The following NDST4 variants were observed in gnomAD, a reference collection of about 807,000 sequenced individuals.
NDST4 encodes N-heparan sulfate sulfotransferase 4.
A neutral mutation model predicts 100.8 loss-of-function variants in NDST4; 63 were observed. The ratio of observed to expected loss-of-function variants is 0.62; its 90% confidence interval spans 0.51 to 0.77. The LOEUF is 0.77. NDST4 is among the 30% of genes least tolerant of loss of function. The pLI is 0.00. For missense variants in NDST4, 943 were observed against 1,018.4 expected, an observed-to-expected ratio of 0.93 and a Z score of 1.01; for synonymous variants, 377 against 361.8, an observed-to-expected ratio of 1.04 and a Z score of -0.48.
At chr4:114,886,584 G>A (rs1039788907) in intron 6 of NDST4, among the ~76,000 whole-genome samples, 1 of 152,012 alleles carries the variant, frequency 6.6e-6, no homozygotes, top group African/African-American at 2.4e-5. Context: ...GTGCCACCAA[G>A]TATTTTCTAA....
At chr4:114,896,188 C>T (rs1027289123) in intron 6 of NDST4, among the ~76,000 whole-genome samples, 11 of 152,124 alleles carry the variant, frequency 7.2e-5, no homozygotes, top group African/African-American at 2.7e-4. Context: ...ACATTGGACT[C>T]AATCTTTGAG....
intron 11 of NDST4, among the ~76,000 whole-genome samples, chr4:114,834,621 GC>G (rs1723273163): frequency 6.6e-6 from 1 of 151,924 alleles, no homozygotes. Context: ...TTAAAGTTAT[GC>G]TTTTTTTGTT....
chr4:114,911,826 G>A (rs1341721936), intron 6 of NDST4, among the ~76,000 whole-genome samples: 1 of 152,098 alleles, frequency 6.6e-6, no homozygotes, highest in Non-Finnish European at 1.5e-5. Flanking sequence ...ATTATATTAA[G>A]AATTGTTTTT....
chr4:114,970,360 A>T (rs1726482824), intron 4 of NDST4, 70 bp downstream of exon 4: 1 of 1,374,948 alleles, frequency 7.3e-7, no homozygotes. Flanking sequence ...AACCCAATAC[A>T]TTAATTTTAC....
rs1729733547 is a variant in NDST4, at chr4:115,101,701, G to C, written c.-247+11743C>G. Among the ~76,000 whole-genome samples the C allele has an allele frequency of 2.6e-5, 4 of 152,080 alleles. No individual in the cohort carries two copies. The South Asian group carries it at 8.3e-4, about 31-fold the overall frequency. On this transcript the variant is annotated intron_variant, in intron 1 of 13. Transcript: ENST00000264363. The stretch of plus-strand genomic sequence containing the variant: ...TAGTGAAGTCAAGTAAAATGTTAAA[G>C]TGAGTTGAAAACAAAGTGGTGGTGA...
chr4:115,056,484 CATTTA>C (rs1728697980), intron 2 of NDST4, among the ~76,000 whole-genome samples: 1 of 152,054 alleles, frequency 6.6e-6, no homozygotes, highest in Non-Finnish European at 1.5e-5. Context: ...GATTATTTTC[CATTTA>C]ATTTAAGTTT....
At position 114,846,364 on chromosome 4, in the gene NDST4, T is replaced by A. The variant is rs564925851; in HGVS notation, c.1941-367A>T. Reference sequence around the variant, plus strand: ...TTGTTTAGTTGATATTAAAAAATAGTAAATTTATGTTTGCAAATTTGAATG... The same window carrying A: ...TTGTTTAGTTGATATTAAAAAATAGAAAATTTATGTTTGCAAATTTGAATG... On this transcript the variant is annotated intron_variant, in intron 9 of 13. Transcript: ENST00000264363. Among the ~76,000 whole-genome samples, 3 of 152,352 alleles carry A rather than the reference T, an allele frequency of 2.0e-5. No individual in the cohort carries two copies. In the East Asian group the frequency reaches 5.8e-4, roughly 29 times the overall value.
chr4:115,100,498 G>C (rs1042153189), intron 1 of NDST4, among the ~76,000 whole-genome samples: 1 of 152,114 alleles, frequency 6.6e-6, no homozygotes, highest in African/African-American at 2.4e-5. Flanking sequence ...AGAGCAAGCT[G>C]TTTCATGACA....
intron 2 of NDST4, among the ~76,000 whole-genome samples, chr4:114,983,579 C>A (rs1726830214): frequency 6.6e-6 from 1 of 152,064 alleles, no homozygotes; most frequent in African/African-American, 2.4e-5. Flanking sequence ...AAGTAACTAG[C>A]TTGTTTTTGA....
In NDST4 at chr4:114,982,047, T is replaced by G. The variant is rs1472451419; in HGVS notation, c.979-4773A>C. Among the ~76,000 whole-genome samples the G allele has an allele frequency of 1.4e-4, 22 of 152,198 alleles. 1 individual carries two copies. The highest frequency in any genetic ancestry group is 1.4e-3 in the Admixed American group (22 of 15,278). On this transcript the variant is annotated intron_variant, in intron 2 of 13. Transcript: ENST00000264363. ...CCCCCAAACACACTCTCTCTCTTCC[T>G]GTGAGTCAATTAAACTTACTTTCTT...
chr4:115,109,943 T>C (rs747545058), intron 1 of NDST4, among the ~76,000 whole-genome samples: 1 of 151,954 alleles, frequency 6.6e-6, no homozygotes, highest in Non-Finnish European at 1.5e-5. Flanking sequence ...CCTGTTGGAA[T>C]GAAGAGTAAT....
intron 1 of NDST4, among the ~76,000 whole-genome samples, chr4:115,077,896 G>C (rs1729221649): frequency 6.6e-6 from 1 of 152,150 alleles, no homozygotes; most frequent in Non-Finnish European, 1.5e-5. Flanking sequence ...GGCATTCTCA[G>C]ATCTCGCTAA....
At chr4:114,889,252 C>T (rs1454471536) in intron 6 of NDST4, among the ~76,000 whole-genome samples, 1 of 152,136 alleles carries the variant, frequency 6.6e-6, no homozygotes, top group East Asian at 1.9e-4. Context: ...AGACTGCCTT[C>T]CCAAGATACG....
intron 3 of NDST4, among the ~76,000 whole-genome samples, chr4:114,976,972 T>A (rs565590582): frequency 6.7e-6 from 1 of 148,496 alleles, no homozygotes; most frequent in East Asian, 1.9e-4. Flanking sequence ...AAAAAATGAG[T>A]TGAAAAAGTC....
Position 115,076,446 on chromosome 4 carries a change from A to G in NDST4, c.591T>C (p.Pro197=), listed in dbSNP as rs777855614. ...TGGTAATATGCAGCAAAGGAGATTG[A>G]GGGTTAACAAAACAGTCCTTTAGAG... ...NLALKDCFVN[P]QSPLLHITKA... is the part of the protein sequence containing the mutation. The change falls in exon 2 of 14, where the codon CCT becomes CCC. Residue 197 remains proline, a synonymous_variant. Coordinates refer to ENST00000264363, the MANE Select transcript of NDST4 (RefSeq NM_022569.3). 4 of 1,613,964 alleles carry G rather than the reference A, an allele frequency of 2.5e-6. No individual in the cohort carries two copies. In the Admixed American group the frequency reaches 5.0e-5, roughly 20 times the overall value.
At chr4:114,921,724 AAT>A (rs1204996267) in intron 6 of NDST4, among the ~76,000 whole-genome samples, 1 of 152,122 alleles carries the variant, frequency 6.6e-6, no homozygotes, top group African/African-American at 2.4e-5. Flanking sequence ...GAAAAAATAA[AAT>A]AAGACAAGAT....
intron 10 of NDST4, among the ~76,000 whole-genome samples, chr4:114,840,556 G>A (rs1360891035): frequency 1.3e-5 from 2 of 152,146 alleles, no homozygotes; most frequent in Non-Finnish European, 2.9e-5. Flanking sequence ...ACTTTTCAAC[G>A]GTTGAAGCTT....
intron 2 of NDST4, among the ~76,000 whole-genome samples, chr4:115,049,244 G>T (rs913392555): frequency 2.0e-5 from 3 of 151,752 alleles, no homozygotes; most frequent in Non-Finnish European, 4.4e-5. Flanking sequence ...GAGAAATAAC[G>T]TGTCTTTTGC....
At chr4:114,915,175 T>A (rs1725143826) in intron 6 of NDST4, among the ~76,000 whole-genome samples, 1 of 152,128 alleles carries the variant, frequency 6.6e-6, no homozygotes, top group Non-Finnish European at 1.5e-5. Context: ...TTCTCAGGGA[T>A]TCTCCAGCTA....
Sources: allele counts gnomAD v4.1 joint callset (sites outside exome capture counted in the v4.1 genomes callset), GRCh38; gene constraint gnomAD v4.1.1; transcripts MANE v1.5; gene names NCBI Gene and HGNC (gene_info 2026-07-23, HGNC 2026-07-21).